ANKS1B: variants seen among roughly 807,000 people sequenced by gnomAD.
The protein encoded by ANKS1B is ankyrin repeat and sterile alpha motif domain containing 1B, also known as ankyrin repeat and sterile alpha motif domain-containing protein 1B.
In ANKS1B, 36 loss-of-function variants were observed where a neutral mutation model predicts 148.3. The observed-to-expected ratio is 0.24, with a 90% CI of 0.19 to 0.32. The LOEUF is 0.32. ANKS1B is among the 10% of genes least tolerant of loss of function. The probability of loss-of-function intolerance (pLI) is 1.00; values close to 1 mark genes in which losing one functional copy is unlikely to be tolerated. For synonymous variants in ANKS1B, 542 were observed against 560.8 expected (o/e 0.97, Z 0.47); for missense variants, 1,157 against 1,542.6 (o/e 0.75, Z 4.19).
chr12:99,059,017 G>A (rs916389427), intron 16 of ANKS1B, among the ~76,000 whole-genome samples: 1 of 18,148 alleles, frequency 5.5e-5, no homozygotes, highest in South Asian at 1.5e-3. Context: ...GATTACAGGC[G>A]TGAGCCACCG....
chr12:99,358,992 T>G (rs2092271717), intron 12 of ANKS1B, among the ~76,000 whole-genome samples: 1 of 152,062 alleles, frequency 6.6e-6, no homozygotes, highest in African/African-American at 2.4e-5. Flanking sequence ...GAAATGAAAC[T>G]AAAATCTAAA....
At chr12:98,828,164 T>C (rs1219290164) in intron 19 of ANKS1B, among the ~76,000 whole-genome samples, 2 of 152,172 alleles carry the variant, frequency 1.3e-5, no homozygotes, top group Non-Finnish European at 2.9e-5. Context: ...TTAAAGGAGC[T>C]GAAAGAAGAC....
At chr12:98,777,742 A>T (rs139332403) in intron 24 of ANKS1B, among the ~76,000 whole-genome samples, 193 of 152,378 alleles carry the variant, frequency 1.3e-3, no homozygotes, top group Non-Finnish European at 2.4e-3. Context: ...CAATACATTT[A>T]TGAGTTTATA....
intron 8 of ANKS1B, among the ~76,000 whole-genome samples, chr12:99,739,783 T>C (rs986994292): frequency 1.6e-4 from 25 of 152,172 alleles, no homozygotes; most frequent in Admixed American, 1.2e-3. Context: ...GGCTAACTGT[T>C]CCACCTGCTT....
intron 8 of ANKS1B, among the ~76,000 whole-genome samples, chr12:99,737,607 T>G (rs185627792): frequency 6.3e-4 from 96 of 152,202 alleles, no homozygotes; most frequent in African/African-American, 2.2e-3. Flanking sequence ...AAATGTATTA[T>G]TGGGAATAAA....
chr12:98,766,625 C>T (rs905752057), intron 25 of ANKS1B, among the ~76,000 whole-genome samples: 14 of 152,184 alleles, frequency 9.2e-5, no homozygotes, highest in Admixed American at 8.5e-4. Flanking sequence ...GATCACCCGC[C>T]TCCATGATAT....
At chr12:99,132,809 G>T (rs973469069) in intron 15 of ANKS1B, among the ~76,000 whole-genome samples, 1 of 152,040 alleles carries the variant, frequency 6.6e-6, no homozygotes, top group African/African-American at 2.4e-5. Flanking sequence ...GTTGTTGTGA[G>T]GATCAAGTTT....
chr12:99,648,301 G>T, intron 9 of ANKS1B: 1 of 1,614,172 alleles, frequency 6.2e-7, no homozygotes, highest in Non-Finnish European at 8.5e-7. Context: ...ATTCAGGTAT[G>T]CACCCATGTT....
chr12:99,652,073 G>GTATATATATA (rs146772425), intron 9 of ANKS1B, among the ~76,000 whole-genome samples: 4 of 148,970 alleles, frequency 2.7e-5, no homozygotes, highest in African/African-American at 7.4e-5. Flanking sequence ...GTTTACATGT[G>GTATATATATA]TATATATATA....
At chr12:99,898,267 C>T (rs10778031) in intron 1 of ANKS1B, among the ~76,000 whole-genome samples, 62,139 of 151,954 alleles carry the variant, frequency 0.41, 13,400 homozygotes, top group African/African-American at 0.52. Flanking sequence ...CTCAATATTA[C>T]TCAAAAGGCA....
intron 14 of ANKS1B, among the ~76,000 whole-genome samples, chr12:99,157,175 T>C (rs1250366332): frequency 6.6e-6 from 1 of 152,200 alleles, no homozygotes; most frequent in Non-Finnish European, 1.5e-5. Flanking sequence ...TTGCTCAACA[T>C]TACCTATAGG....
At chr12:99,875,148 G>A (rs2091933083) in intron 1 of ANKS1B, among the ~76,000 whole-genome samples, 1 of 152,136 alleles carries the variant, frequency 6.6e-6, no homozygotes, top group Admixed American at 6.6e-5. Context: ...ATATCAAATA[G>A]TTTAGAAAGA....
chr12:99,303,369 T>A (rs760579438), intron 12 of ANKS1B, among the ~76,000 whole-genome samples: 2 of 152,096 alleles, frequency 1.3e-5, no homozygotes, highest in African/African-American at 4.8e-5. Flanking sequence ...AACCTCCCAT[T>A]TGAGGCTCTA....
At chr12:99,275,810 T>A (rs567784545) in intron 12 of ANKS1B, among the ~76,000 whole-genome samples, 1 of 152,322 alleles carries the variant, frequency 6.6e-6, no homozygotes, top group South Asian at 2.1e-4. Flanking sequence ...AAGGAAAATG[T>A]ATAGATGGAA....
intron 14 of ANKS1B, among the ~76,000 whole-genome samples, chr12:99,237,138 G>A (rs944333234): frequency 1.3e-5 from 2 of 152,148 alleles, no homozygotes; most frequent in Non-Finnish European, 2.9e-5. Flanking sequence ...GGTAAGATTT[G>A]GGGCTCTTTC....
chr12:99,452,209 A>C (rs1303888111), intron 10 of ANKS1B, among the ~76,000 whole-genome samples: 1 of 152,054 alleles, frequency 6.6e-6, no homozygotes, highest in African/African-American at 2.4e-5. Context: ...CCGTATTCCA[A>C]GAAAATTTTA....
At chr12:99,783,871 G>A (rs192053364) in intron 4 of ANKS1B, among the ~76,000 whole-genome samples, 220 of 152,078 alleles carry the variant, frequency 1.4e-3, no homozygotes, top group African/African-American at 5.1e-3. Context: ...CTGGAAGAGA[G>A]GATTTTTTAA....
Position 99,690,406 on chromosome 12 carries a change from A to T in ANKS1B, c.1129-35196T>A, listed in dbSNP as rs542888349. ...TTTCAGCACTAATTGAAAAGTCCAC[A>T]GTCCAAAGTCTCATCTGAGACAAGG... On this transcript the variant is annotated intron_variant, in intron 8 of 26. Coordinates refer to ENST00000683438, the MANE Select transcript of ANKS1B (RefSeq NM_001352186.2). 3.3e-5 allele frequency among the ~76,000 whole-genome samples: 5 copies of T among 152,298 alleles called. No individual in the cohort carries two copies. In the South Asian group the frequency reaches 1.0e-3, roughly 32 times the overall value.
At chr12:99,754,170 T>C (rs559132997) in intron 8 of ANKS1B, among the ~76,000 whole-genome samples, 2 of 152,104 alleles carry the variant, frequency 1.3e-5, no homozygotes, top group East Asian at 3.9e-4. Flanking sequence ...AAATCTACCA[T>C]GCTAATGGAA....
Sources: gnomAD v4.1 joint callset for allele counts (sites outside exome capture counted in the v4.1 genomes callset) on GRCh38, gnomAD v4.1.1 for gene constraint, MANE v1.5 for transcripts, NCBI Gene and HGNC (gene_info 2026-07-23, HGNC 2026-07-21) for gene names.